The following MPI variants were observed in gnomAD, a reference collection of about 807,000 sequenced individuals.
MPI encodes the protein mannose phosphate isomerase.
MPI carries 33 observed loss-of-function variants against 40.1 expected under a neutral mutation model. The observed-to-expected ratio is 0.82, with a 90% confidence interval of 0.62 to 1.10. The LOEUF (loss-of-function observed/expected upper bound fraction) is 1.10. MPI is among the 50% of genes least tolerant of loss of function. The probability of loss-of-function intolerance (pLI) is 0.00; values close to 1 mark genes in which losing one functional copy is unlikely to be tolerated. For missense variants in MPI, 514 were observed against 524.1 expected (o/e 0.98, Z 0.19); for synonymous variants, 187 against 207.4 (o/e 0.90, Z 0.85).
chr15:74,900,691 A>G lies in MPI; in HGVS notation c.*2961A>G, dbSNP rs2064917931. 6.6e-6 allele frequency: 1 copy of G among 152,236 alleles called. No homozygotes were observed. Among genetic ancestry groups the G allele is most frequent in the African/African-American group, 2.4e-5 (1 of 41,446 alleles). 9.4% of individuals were successfully genotyped at this position (152,236 alleles called of 1,614,324 possible). ...TCTTGAGCTCTACAAGCATTTGCACAAAGTGCTCAGAATGTTGGCCACTGC... is the reference window on the plus strand; with the variant it reads ...TCTTGAGCTCTACAAGCATTTGCACGAAGTGCTCAGAATGTTGGCCACTGC... On this transcript the variant is annotated 3_prime_UTR_variant, in exon 8 of 8. Coordinates refer to ENST00000352410, the MANE Select transcript of MPI (RefSeq NM_002435.3).
Position 74,896,231 on chromosome 15 carries a change from C to T in MPI, c.750C>T (p.Gly250=), listed in dbSNP as rs1488588575. Residue 250 remains glycine (G), a synonymous_variant, in exon 6 of 8, where the codon GGC becomes GGT. Transcript: ENST00000352410. The part of the protein sequence containing the change: ...QLHQQYPGDI[G]CFAIYFLNLL... ...ACCAGCAGTACCCAGGTGATATCGGCTGCTTTGCCATCTACTTCCTGAACC... is the reference window on the plus strand; with the variant it reads ...ACCAGCAGTACCCAGGTGATATCGGTTGCTTTGCCATCTACTTCCTGAACC... The T allele has an allele frequency of 6.2e-7, 1 of 1,614,196 alleles. No homozygotes were observed. The highest frequency in any genetic ancestry group is 1.1e-5 in the South Asian group (1 of 91,086).
At chr15:74,892,094 A>C (rs539597157) in intron 3 of MPI, among the ~76,000 whole-genome samples, 1 of 152,120 alleles carries the variant, frequency 6.6e-6, no homozygotes, top group East Asian at 1.9e-4. Context: ...TCCCAATTCA[A>C]GCAATTCTTC....
At chr15:74,893,981 C>T (rs912696879) in intron 5 of MPI, among the ~76,000 whole-genome samples, 1 of 150,654 alleles carries the variant, frequency 6.6e-6, no homozygotes, top group African/African-American at 2.4e-5. Flanking sequence ...ACAGGTTTCC[C>T]ATTACCTTTG....
chr15:74,896,792 C>T, intron 6 of MPI: 2 of 643,328 alleles, frequency 3.1e-6, no homozygotes, highest in South Asian at 3.6e-5. Flanking sequence ...TGGGGCTCCC[C>T]AACCCCCAGG....
Position 74,890,068 on chromosome 15 carries a change from G to T in MPI, c.-6G>T. 1 of 1,607,152 alleles carries T rather than the reference G, an allele frequency of 6.2e-7. No individual in the cohort carries two copies. Among genetic ancestry groups the T allele is most frequent in the Non-Finnish European group, 8.5e-7 (1 of 1,179,950 alleles). On this transcript the variant is annotated 5_prime_UTR_variant, in exon 1 of 8. Coordinates refer to ENST00000352410, the MANE Select transcript of MPI (RefSeq NM_002435.3). ...TACGTGCTTAATCCTGGTGCAGGGG[G>T]CGAGCATGGCCGCTCCGCGAGGTGA...
In MPI at chr15:74,902,148, A is replaced by G; in HGVS notation, c.*4418A>G. The G allele has an allele frequency of 2.5e-6, 1 of 398,732 alleles. No individual in the cohort carries two copies. Among genetic ancestry groups the G allele is most frequent in the Non-Finnish European group, 4.4e-6 (1 of 226,104 alleles). The allele number at this position is 398,732 out of a possible 1,614,324, so 24.7% of individuals were successfully genotyped here. The stretch of plus-strand genomic sequence containing the variant: ...CTTAGAGCTAGGAAGAATAGAGCAA[A>G]CGGAATTTCTCGAACTGGTCTCAAA... On this transcript the variant is annotated 3_prime_UTR_variant, in exon 8 of 8. Transcript: ENST00000352410.
rs939320011 is a variant in MPI, at chr15:74,893,227, T to A, written c.577T>A (p.Ser193Thr). ...MSHDSQAVAS[S>T]LQSCFSHLMK... ...CCATGACTCCCAGGCTGTGGCCTCC[T>A]CTCTGCAGAGCTGTTTCTCCCACCT... The change falls in exon 5 of 8, where the codon TCT (serine) becomes ACT (threonine). Residue 193 changes from serine (S) to threonine (T), a missense_variant. Coordinates refer to ENST00000352410, the MANE Select transcript of MPI (RefSeq NM_002435.3). 2.5e-6 allele frequency: 4 copies of A among 1,614,076 alleles called. No individual in the cohort carries two copies. The highest frequency in any genetic ancestry group is 1.6e-4 in the Middle Eastern group (1 of 6,078).
rs2064870486 is a variant in MPI at position 74,899,273 on chromosome 15, C to A, written c.*1543C>A. The A allele has an allele frequency of 1.3e-5, 2 of 152,196 alleles. No individual in the cohort carries two copies. The highest frequency in any genetic ancestry group is 4.8e-5 in the African/African-American group (2 of 41,450). 9.4% of individuals were successfully genotyped at this position (152,196 alleles called of 1,614,324 possible). A position where few individuals can be genotyped will look rare whatever the true frequency, so the allele number is the denominator to read the frequency against. On this transcript the variant is annotated 3_prime_UTR_variant, in exon 8 of 8. Transcript: ENST00000352410. ...AATCACTTAGTCCACTGGCTCCTTC[C>A]TGTGGGATAAAGGTTTAAATTCATG...
Position 74,891,427 on chromosome 15 carries a change from C to T in MPI, c.193C>T (p.Arg65Cys), listed in dbSNP as rs749533638. 9.3e-6 allele frequency: 15 copies of T among 1,614,178 alleles called. 1 individual carries two copies. Among genetic ancestry groups the T allele is most frequent in the South Asian group, 6.6e-5 (6 of 91,084 alleles). Reference protein sequence around the residue: ...PRGDAKILDNRISQKTLSQWI... With the variant: ...PRGDAKILDNCISQKTLSQWI... ...AGGGGATGCCAAGATCCTTGACAAC[C>T]GCATCTCACAGAAGACCCTAAGCCA... The change falls in exon 3 of 8, where the codon CGC becomes TGC. Residue 65 changes from arginine (R) to cysteine (C), a missense_variant. Physicochemically the swap from Arg to Cys is radical, Grantham distance 180. Coordinates refer to ENST00000352410, the MANE Select transcript of MPI (RefSeq NM_002435.3).
In MPI at chr15:74,896,160, G is replaced by T; in HGVS notation, c.679G>T (p.Gly227Ter). The change falls in exon 6 of 8, where the codon GGA becomes TGA. Residue 227 changes from glycine (G) to a stop codon, truncating the protein, a stop_gained. Transcript: ENST00000352410. LOFTEE classifies it high-confidence loss of function. ...TGCTCTGTGACCCTCAGCGGCTGCCGGAAACAACATGGAGGACATCTTTGG... is the reference window on the plus strand; with the variant it reads ...TGCTCTGTGACCCTCAGCGGCTGCCTGAAACAACATGGAGGACATCTTTGG... ...VKRISQQAAA[G>*]NNMEDIFGEL... 2 of 1,614,048 alleles carry T rather than the reference G, an allele frequency of 1.2e-6. No homozygotes were observed. The highest frequency in any genetic ancestry group is 2.2e-5 in the South Asian group (2 of 91,068).
intron 1 of MPI, 41 bp from the exon 2 acceptor site, chr15:74,890,486 C>A: frequency 6.2e-7 from 1 of 1,613,488 alleles, no homozygotes; most frequent in Non-Finnish European, 8.5e-7. Context: ...AGGGTGGGGC[C>A]TGAGGAGTGG....
chr15:74,894,636 A>AG (rs2064789873), intron 5 of MPI, among the ~76,000 whole-genome samples: 1 of 150,744 alleles, frequency 6.6e-6, no homozygotes, highest in Non-Finnish European at 1.5e-5. Flanking sequence ...AAAAAAAAAA[A>AG]AAATGCTGGG....
rs573686671 is a variant in MPI at position 74,891,703 on chromosome 15, C to G, written c.345+124C>G. On this transcript the variant is annotated intron_variant, in intron 3 of 7. Coordinates refer to ENST00000352410, the MANE Select transcript of MPI (RefSeq NM_002435.3). ...GCTCCTGCCCAAGGCCAAATCCAGG[C>G]TGACAACTCCCAATTTAGCTCTGCA... 2.9e-6 allele frequency: 3 copies of G among 1,027,146 alleles called. No individual in the cohort carries two copies. The Admixed American group carries it at 5.6e-5, about 19-fold the overall frequency. The allele number at this position is 1,027,146 out of a possible 1,614,324, so 63.6% of individuals were successfully genotyped here.
In MPI at chr15:74,897,222, G is replaced by T. The variant is rs753145834; in HGVS notation, c.1053+3G>T. 2.3e-5 allele frequency: 37 copies of T among 1,613,752 alleles called. No homozygotes were observed. Among genetic ancestry groups the T allele is most frequent in the Non-Finnish European group, 2.9e-5 (34 of 1,179,802 alleles). ...ACTTCACCATTATGAAGACGGAGGT[G>T]AGTGAGGGGCTATGATGGGTGTCCT... On this transcript the variant is annotated splice_donor_region_variant and intron_variant, in intron 7 of 7. Coordinates refer to ENST00000352410, the MANE Select transcript of MPI (RefSeq NM_002435.3).
intron 6 of MPI, 166 bp downstream of exon 6, chr15:74,896,491 A>C (rs1241671147): frequency 1.3e-6 from 1 of 764,668 alleles, no homozygotes; most frequent in Non-Finnish European, 2.3e-6. Flanking sequence ...AGGGATGATG[A>C]ATGCATTTAG....
At chr15:74,893,032 G>T in intron 4 of MPI, 106 bp from the exon 5 acceptor site, 1 of 1,475,510 alleles carries the variant, frequency 6.8e-7, no homozygotes, top group Non-Finnish European at 9.4e-7. Flanking sequence ...TAGCATTGCC[G>T]GCTCTTTGGT....
intron 7 of MPI, 123 bp downstream of exon 7, chr15:74,897,342 G>T: frequency 7.4e-7 from 1 of 1,355,522 alleles, no homozygotes; most frequent in African/African-American, 1.4e-5. Flanking sequence ...GGTGGCCCCA[G>T]GGCCTGCCCA....
intron 4 of MPI, 135 bp downstream of exon 4, chr15:74,892,937 C>G: frequency 6.9e-7 from 1 of 1,454,816 alleles, no homozygotes; most frequent in South Asian, 1.2e-5. Context: ...TTTTTGGAGC[C>G]AGTGAGCCAG....
rs201856169 is a variant in MPI at position 74,890,649 on chromosome 15, G to T, written c.139G>T (p.Ala47Ser). The T allele has an allele frequency of 8.7e-6, 14 of 1,613,636 alleles. No individual in the cohort carries two copies. The highest frequency in any genetic ancestry group is 8.5e-7 in the Non-Finnish European group (1 of 1,180,046). ...CCAGATCGCAGAGGACAAGCCTTATGCAGAGGTGAGCCCCGGGCTGTATTT... is the reference window on the plus strand; with the variant it reads ...CCAGATCGCAGAGGACAAGCCTTATTCAGAGGTGAGCCCCGGGCTGTATTT... The part of the protein sequence containing the change: ...LAQIAEDKPY[A>S]ELWMGTHPRG... Residue 47 changes from alanine to serine, a missense_variant, in exon 2 of 8, where the codon GCA becomes TCA. Physicochemically the swap from Ala to Ser is moderately conservative, Grantham distance 99. Coordinates refer to ENST00000352410, the MANE Select transcript of MPI (RefSeq NM_002435.3).
Sources: allele counts gnomAD v4.1 joint callset (sites outside exome capture counted in the v4.1 genomes callset), GRCh38; gene constraint gnomAD v4.1.1; transcripts MANE v1.5; gene names NCBI Gene and HGNC (gene_info 2026-07-23, HGNC 2026-07-21).